EGFLAM: variants seen among roughly 807,000 people sequenced by gnomAD.
EGFLAM encodes the protein EGF like, fibronectin type III and laminin G domains.
Under a neutral mutation model 113.1 loss-of-function variants are expected in EGFLAM, and 79 were observed. That is an observed-to-expected ratio of 0.70 (90% CI 0.58 to 0.84). EGFLAM has a LOEUF of 0.84. EGFLAM is among the 40% of genes least tolerant of loss of function. The pLI, the probability that EGFLAM is intolerant of heterozygous loss-of-function variation, is 0.00. For missense variants in EGFLAM, 1,265 were observed against 1,291.6 expected (o/e 0.98, Z 0.32); for synonymous variants, 504 against 487.6 (o/e 1.03, Z -0.44).
chr5:38,351,465 C>A (rs545558623), intron 4 of EGFLAM, among the ~76,000 whole-genome samples: 2 of 152,320 alleles, frequency 1.3e-5, no homozygotes, highest in South Asian at 4.1e-4. Flanking sequence ...GGGCGCACTT[C>A]CTCTGCCCCA....
chr5:38,448,336 G>T lies in EGFLAM; in HGVS notation c.2500G>T (p.Gly834Cys). The T allele has an allele frequency of 6.2e-7, 1 of 1,614,064 alleles. No individual in the cohort carries two copies. The change falls in exon 18 of 22, where the codon GGC (glycine) becomes TGC (cysteine). Residue 834 changes from glycine to cysteine, a missense_variant. By Grantham distance (159) the Gly-to-Cys change is radical. Coordinates refer to ENST00000322350, the MANE Select transcript of EGFLAM (RefSeq NM_152403.4). ...AGCCATTGAGATCCCGCAGTTTATC[G>T]GCCGCAGTTACCTGACGTATGACAA... Reference protein sequence around the residue: ...IEAIEIPQFIGRSYLTYDNPD... With the variant: ...IEAIEIPQFICRSYLTYDNPD...
At position 38,424,988 on chromosome 5, in the gene EGFLAM, G is replaced by T. The variant is rs1461423666; in HGVS notation, c.1706G>T (p.Cys569Phe). 1 of 1,613,978 alleles carries T rather than the reference G, an allele frequency of 6.2e-7. No homozygotes were observed. The highest frequency in any genetic ancestry group is 1.7e-5 in the Admixed American group (1 of 60,008). Reference protein sequence around the residue: ...ADVGECSSGICDEASCIHGGT... With the variant: ...ADVGECSSGIFDEASCIHGGT... ...TTAGGGGAATGCAGCAGTGGAATCT[G>T]TGATGAGGCCTCGTGCATCCATGGT... The change falls in exon 13 of 22, where the codon TGT becomes TTT. Residue 569 changes from cysteine (C) to phenylalanine (F), a missense_variant. Coordinates refer to ENST00000322350, the MANE Select transcript of EGFLAM (RefSeq NM_152403.4).
chr5:38,324,818 A>G (rs1013386434), intron 1 of EGFLAM, among the ~76,000 whole-genome samples: 2 of 152,234 alleles, frequency 1.3e-5, no homozygotes, highest in Non-Finnish European at 2.9e-5. Flanking sequence ...TCCAGGGTTG[A>G]GCAGGATTCT....
At chr5:38,426,868 G>A in intron 13 of EGFLAM, 141 bp from the exon 14 acceptor site, 1 of 1,306,218 alleles carries the variant, frequency 7.7e-7, no homozygotes, top group Non-Finnish European at 1.0e-6. Context: ...CCAGAATTCA[G>A]TCACACCACC....
At chr5:38,387,529 T>C (rs7708435) in intron 6 of EGFLAM, among the ~76,000 whole-genome samples, 5,198 of 152,290 alleles carry the variant, frequency 0.034, 330 homozygotes, top group African/African-American at 0.12. Context: ...AACTCTTCCA[T>C]TGGAAAGCAA....
At chr5:38,423,582 T>C (rs2112180275) in intron 12 of EGFLAM, among the ~76,000 whole-genome samples, 1 of 152,296 alleles carries the variant, frequency 6.6e-6, no homozygotes, top group East Asian at 1.9e-4. Flanking sequence ...CCACAGAAAT[T>C]GGCGGGGCTC....
chr5:38,346,118 A>G (rs1739466549), intron 3 of EGFLAM, among the ~76,000 whole-genome samples: 1 of 152,186 alleles, frequency 6.6e-6, no homozygotes, highest in Non-Finnish European at 1.5e-5. Flanking sequence ...CTCAGAATGC[A>G]CCCAAGCTGA....
intron 19 of EGFLAM, 25 bp from the exon 20 acceptor site, chr5:38,458,282 CTCTG>C (rs1276535431): frequency 1.2e-6 from 2 of 1,606,406 alleles, no homozygotes; most frequent in East Asian, 4.5e-5. Context: ...TTATTCTGTT[CTCTG>C]TCTTCTTCTT....
At chr5:38,446,075 G>C (rs776140190) in intron 17 of EGFLAM, among the ~76,000 whole-genome samples, 106 of 152,274 alleles carry the variant, frequency 7.0e-4, no homozygotes, top group African/African-American at 2.5e-3. Context: ...AAACCCACCA[G>C]GGACTCCTTG....
Position 38,369,098 on chromosome 5 carries a change from C to T in EGFLAM, c.546-1198C>T, listed in dbSNP as rs1740140977. 2.6e-5 allele frequency among the ~76,000 whole-genome samples: 4 copies of T among 152,006 alleles called. No homozygotes were observed. The South Asian group carries it at 8.3e-4, about 32-fold the overall frequency. ...TACCTGGAATGTTCTTTTTTTCTCC[C>T]CTCCAGCTAGGATGTCCACATAGAG... On this transcript the variant is annotated intron_variant, in intron 5 of 21. Coordinates refer to ENST00000322350, the MANE Select transcript of EGFLAM (RefSeq NM_152403.4).
rs1738722748 is a variant in EGFLAM at position 38,320,946 on chromosome 5, C to T, written c.98-16574C>T. On this transcript the variant is annotated intron_variant, in intron 1 of 21. Transcript: ENST00000322350. Reference sequence around the variant, plus strand: ...TGCAACAACCCTTCTAGAAAGTTCCCCGACCTTTTTGACACCAGGGGCTGG... The same window carrying T: ...TGCAACAACCCTTCTAGAAAGTTCCTCGACCTTTTTGACACCAGGGGCTGG... Among the ~76,000 whole-genome samples the T allele has an allele frequency of 2.0e-5, 3 of 152,242 alleles. No homozygotes were observed. In the South Asian group the frequency reaches 6.2e-4, roughly 32 times the overall value.
chr5:38,418,737 G>A (rs1267102381), intron 12 of EGFLAM, among the ~76,000 whole-genome samples: 2 of 152,214 alleles, frequency 1.3e-5, no homozygotes, highest in African/African-American at 2.4e-5. Flanking sequence ...CTAACGCTAA[G>A]AGGTAGAAGT....
At chr5:38,314,016 G>A (rs1193189632) in intron 1 of EGFLAM, among the ~76,000 whole-genome samples, 1 of 152,190 alleles carries the variant, frequency 6.6e-6, no homozygotes, top group Non-Finnish European at 1.5e-5. Context: ...TGTTTGTTTT[G>A]TGTATGATTT....
intron 6 of EGFLAM, among the ~76,000 whole-genome samples, chr5:38,398,850 C>T (rs1741029531): frequency 6.6e-6 from 1 of 152,252 alleles, no homozygotes; most frequent in South Asian, 2.1e-4. Context: ...CTGTGGCTTA[C>T]AGCCTCATGG....
intron 6 of EGFLAM, among the ~76,000 whole-genome samples, chr5:38,398,115 G>A (rs1415130674): frequency 3.3e-5 from 5 of 152,188 alleles, no homozygotes; most frequent in Non-Finnish European, 7.3e-5. Context: ...GGTGTGGATT[G>A]TTTTCCAGGA....
intron 17 of EGFLAM, among the ~76,000 whole-genome samples, chr5:38,442,315 A>G (rs1486909645): frequency 6.8e-6 from 1 of 148,086 alleles, no homozygotes; most frequent in Non-Finnish European, 1.5e-5. Context: ...CTAAATTTTT[A>G]TATTTAATAT....
At chr5:38,269,929 C>A (rs1412399270) in intron 1 of EGFLAM, among the ~76,000 whole-genome samples, 1 of 152,194 alleles carries the variant, frequency 6.6e-6, no homozygotes, top group African/African-American at 2.4e-5. Flanking sequence ...CAGCCTCTAG[C>A]CCTTGTTGCT....
At chr5:38,381,431 C>T (rs574351853) in intron 6 of EGFLAM, among the ~76,000 whole-genome samples, 27 of 152,158 alleles carry the variant, frequency 1.8e-4, no homozygotes, top group Non-Finnish European at 2.6e-4. Context: ...CAACCGAATA[C>T]GAAACACTTA....
intron 10 of EGFLAM, among the ~76,000 whole-genome samples, chr5:38,411,033 T>C (rs905247562): frequency 1.2e-4 from 18 of 152,230 alleles, no homozygotes; most frequent in African/African-American, 3.9e-4. Context: ...TCTTTTTCTC[T>C]TTCTTATGAT....
Sources: allele counts gnomAD v4.1 joint callset (sites outside exome capture counted in the v4.1 genomes callset), GRCh38; gene constraint gnomAD v4.1.1; transcripts MANE v1.5; gene names NCBI Gene and HGNC (gene_info 2026-07-23, HGNC 2026-07-21).